ELP4: variants seen among roughly 807,000 people sequenced by gnomAD.
ELP4 encodes the protein elongator acetyltransferase complex subunit 4, also known as elongator complex protein 4.
Under a neutral mutation model 48.9 loss-of-function variants are expected in ELP4, and 51 were observed. The observed-to-expected ratio is 1.04, with a 90% CI of 0.83 to 1.32. The LOEUF (loss-of-function observed/expected upper bound fraction) is 1.32. ELP4 is among the 40% of genes most tolerant of loss of function. ELP4 has a pLI of 0.00. For missense variants in ELP4, 519 were observed against 514.6 expected, an observed-to-expected ratio of 1.01 and a Z score of -0.08; for synonymous variants, 210 against 189.2, an observed-to-expected ratio of 1.11 and a Z score of -0.90.
At chr11:31,552,348 T>C (rs1956866512) in intron 3 of ELP4, among the ~76,000 whole-genome samples, 1 of 152,176 alleles carries the variant, frequency 6.6e-6, no homozygotes, top group South Asian at 2.1e-4. Flanking sequence ...ATTTATAATC[T>C]ACTTGGACCT....
intron 9 of ELP4, among the ~76,000 whole-genome samples, chr11:31,671,398 T>G (rs571829109): frequency 2.1e-4 from 32 of 152,206 alleles, no homozygotes; most frequent in Non-Finnish European, 3.2e-4. Flanking sequence ...CAAAGGGAAG[T>G]ATGTGATTAT....
intron 9 of ELP4, among the ~76,000 whole-genome samples, chr11:31,737,020 A>G (rs1315789808): frequency 1.3e-5 from 2 of 152,232 alleles, no homozygotes. Context: ...ATGCACACGT[A>G]TGTTTATTGC....
At chr11:31,685,930 T>TA (rs58204467) in intron 9 of ELP4, among the ~76,000 whole-genome samples, 3,609 of 142,758 alleles carry the variant, frequency 0.025, 114 homozygotes, top group Admixed American at 0.099. Context: ...GACTCCATCT[T>TA]AAAAAAAAAA....
rs183417435 is a variant in ELP4 at position 31,610,421 on chromosome 11, A to G, written c.653+6514A>G. On this transcript the variant is annotated intron_variant, in intron 5 of 9. Coordinates refer to ENST00000640961, the MANE Select transcript of ELP4 (RefSeq NM_019040.5). ...ATTTGCAGGTTTGATACAAAAGTAT[A>G]TTGCATCATGCTGAGGTTTGGGTTT... Among the ~76,000 whole-genome samples, 9 of 152,284 alleles carry G rather than the reference A, an allele frequency of 5.9e-5. No homozygotes were observed. In the East Asian group the frequency reaches 1.7e-3, roughly 29 times the overall value.
At chr11:31,727,976 G>C (rs575472158) in intron 9 of ELP4, 27 of 152,228 alleles carry the variant, frequency 1.8e-4, no homozygotes, top group African/African-American at 5.3e-4. Flanking sequence ...TCAATTTAAA[G>C]AGGCTCATCT....
At chr11:31,605,567 T>C (rs1957859257) in intron 5 of ELP4, among the ~76,000 whole-genome samples, 1 of 152,066 alleles carries the variant, frequency 6.6e-6, no homozygotes, top group African/African-American at 2.4e-5. Flanking sequence ...GGAAAATAAA[T>C]GTAAAATGTA....
chr11:31,698,638 C>A (rs1946459984), intron 9 of ELP4, among the ~76,000 whole-genome samples: 1 of 152,084 alleles, frequency 6.6e-6, no homozygotes, highest in South Asian at 2.1e-4. Context: ...GTCTTGAACT[C>A]CTGGCCTCAA....
intron 2 of ELP4, among the ~76,000 whole-genome samples, chr11:31,524,880 GA>G (rs1956274493): frequency 6.6e-6 from 1 of 152,134 alleles, no homozygotes; most frequent in African/African-American, 2.4e-5. Flanking sequence ...AGCTACTCAG[GA>G]GGCTGAGGTG....
At chr11:31,734,777 G>A (rs889364809) in intron 9 of ELP4, among the ~76,000 whole-genome samples, 1 of 152,086 alleles carries the variant, frequency 6.6e-6, no homozygotes, top group Non-Finnish European at 1.5e-5. Context: ...TTGTTAAAAT[G>A]TTCATAGTAC....
intron 9 of ELP4, among the ~76,000 whole-genome samples, chr11:31,751,622 G>A (rs1429154409): frequency 1.3e-5 from 2 of 152,208 alleles, no homozygotes; most frequent in Non-Finnish European, 2.9e-5. Flanking sequence ...GTGAATCAAT[G>A]AACCATGGAC....
At chr11:31,588,499 G>T (rs1391555321) in intron 3 of ELP4, among the ~76,000 whole-genome samples, 2 of 152,068 alleles carry the variant, frequency 1.3e-5, no homozygotes, top group African/African-American at 2.4e-5. Context: ...CGGTATAATG[G>T]GTGGGAAATA....
intron 3 of ELP4, among the ~76,000 whole-genome samples, chr11:31,550,048 G>A (rs1294794001): frequency 6.6e-6 from 1 of 152,178 alleles, no homozygotes; most frequent in South Asian, 2.1e-4. Context: ...TGACGAGTTA[G>A]TGGGTGCAGC....
intron 3 of ELP4, among the ~76,000 whole-genome samples, chr11:31,559,227 A>T (rs1209563183): frequency 6.6e-6 from 1 of 152,170 alleles, no homozygotes; most frequent in African/African-American, 2.4e-5. Flanking sequence ...TGTTGGGGTG[A>T]TTCCTTCAGT....
intron 9 of ELP4, among the ~76,000 whole-genome samples, chr11:31,712,285 G>C (rs1412663148): frequency 6.6e-6 from 1 of 151,994 alleles, no homozygotes; most frequent in Admixed American, 6.6e-5. Context: ...ATAATACTCT[G>C]TTTTAAGCAT....
At chr11:31,541,796 G>T (rs1956594688) in intron 3 of ELP4, among the ~76,000 whole-genome samples, 2 of 152,062 alleles carry the variant, frequency 1.3e-5, no homozygotes, top group South Asian at 4.2e-4. Context: ...TCCTTCTTTA[G>T]ATTATGTGAA....
intron 9 of ELP4, among the ~76,000 whole-genome samples, chr11:31,777,737 G>T (rs1206855091): frequency 6.6e-6 from 1 of 152,200 alleles, no homozygotes; most frequent in Non-Finnish European, 1.5e-5. Flanking sequence ...CATCAGCCTT[G>T]CAGCCAGAAG....
chr11:31,652,207 C>T lies in ELP4; in HGVS notation c.1143+1986C>T, dbSNP rs1262778940. ...ACCTTTTTGTCTAATAACCTAATCA[C>T]TTAAGTTTTTTGAGTTTTTTTGTTA... On this transcript the variant is annotated intron_variant, in intron 9 of 9. Transcript: ENST00000640961. 3 of 151,646 alleles carry T rather than the reference C, an allele frequency of 2.0e-5. No homozygotes were observed. The East Asian group carries it at 5.8e-4, about 29-fold the overall frequency. The allele number at this position is 151,646 out of a possible 1,614,324, so 9.4% of individuals were successfully genotyped here. A position where few individuals can be genotyped will look rare whatever the true frequency, so the allele number is the denominator to read the frequency against.
chr11:31,594,882 A>T lies in ELP4; in HGVS notation c.494A>T (p.Gln165Leu). The stretch of plus-strand genomic sequence containing the variant: ...AAGATGAAAATAGCTTGGCGTTACC[A>T]GTTATTACCCAAGATGGAGGCAAGT... Reference protein sequence around the residue: ...NIKMKIAWRYQLLPKMEIGPV... With the variant: ...NIKMKIAWRYLLLPKMEIGPV... The change falls in exon 4 of 10, where the codon CAG becomes CTG. Residue 165 changes from glutamine to leucine, a missense_variant. Transcript: ENST00000640961. The T allele has an allele frequency of 6.4e-7, 1 of 1,560,168 alleles. No individual in the cohort carries two copies. The highest frequency in any genetic ancestry group is 8.6e-7 in the Non-Finnish European group (1 of 1,161,906).
In ELP4 at chr11:31,621,448, T is replaced by C. The variant is rs551580328; in HGVS notation, c.654-5662T>C. Among the ~76,000 whole-genome samples, 19 of 152,000 alleles carry C rather than the reference T, an allele frequency of 1.3e-4. 1 individual carries two copies. The East Asian group carries it at 3.1e-3, about 25-fold the overall frequency. On this transcript the variant is annotated intron_variant, in intron 5 of 9. Coordinates refer to ENST00000640961, the MANE Select transcript of ELP4 (RefSeq NM_019040.5). Reference sequence around the variant, plus strand: ...AAACCATATGATTTCAAAGTCAGAATGGACAACATAGATTATCTAATGCAA... The same window carrying C: ...AAACCATATGATTTCAAAGTCAGAACGGACAACATAGATTATCTAATGCAA...
Sources: allele counts gnomAD v4.1 joint callset (sites outside exome capture counted in the v4.1 genomes callset), GRCh38; gene constraint gnomAD v4.1.1; transcripts MANE v1.5; gene names NCBI Gene and HGNC (gene_info 2026-07-23, HGNC 2026-07-21).